Variants in PDXDC1 observed in about 807,000 individuals in gnomAD.
PDXDC1 encodes the protein pyridoxal-dependent decarboxylase domain-containing protein 1.
PDXDC1 carries 42 observed loss-of-function variants against 100.1 expected under a neutral mutation model. That is an observed-to-expected ratio of 0.42 (90% confidence interval 0.33 to 0.54). The LOEUF (loss-of-function observed/expected upper bound fraction) is 0.54. PDXDC1 is among the 20% of genes least tolerant of loss of function. The pLI, the probability that PDXDC1 is intolerant of heterozygous loss-of-function variation, is 0.10. For synonymous variants in PDXDC1, 260 were observed against 371.7 expected (o/e 0.70, Z 3.46); for missense variants, 636 against 979.2 (o/e 0.65, Z 4.68).
intron 21 of PDXDC1, 59 bp from the exon 22 acceptor site, chr16:15,035,390 G>A (rs112912842): frequency 2.3e-6 from 2 of 872,400 alleles, no homozygotes; most frequent in African/African-American, 3.5e-5. Context: ...GAGGGCAGGT[G>A]GTGTCTTCAA....
intron 16 of PDXDC1, among the ~76,000 whole-genome samples, chr16:15,089,617 G>A (rs1227568610): frequency 6.6e-6 from 1 of 151,312 alleles, no homozygotes; most frequent in Non-Finnish European, 1.5e-5. Context: ...TGGCTAACAT[G>A]GTGAAACCCC....
At chr16:15,030,959 AT>A (rs968932105) in intron 16 of PDXDC1, among the ~76,000 whole-genome samples, 11 of 141,318 alleles carry the variant, frequency 7.8e-5, no homozygotes, top group South Asian at 2.3e-4. Context: ...TTTGGTTTTT[AT>A]TTTTTTTTTA....
In PDXDC1 at chr16:15,130,327, G is replaced by A. The variant is rs560427840; in HGVS notation, c.1400-8552G>A. ...TCCAGGGGCAGCAGCCCCTCTGTCC[G>A]CCACACCACGTCCTCCTCGCTGAAG... is the stretch of plus-strand genomic sequence containing the variant. On this transcript the variant is annotated intron_variant, in intron 16 of 16. Coordinates refer to the PDXDC1 transcript ENST00000535621. 938 of 1,547,506 alleles carry A rather than the reference G, an allele frequency of 6.1e-4. 3 individuals carry two copies. In the African/African-American group the frequency reaches 9.5e-3, roughly 16 times the overall value.
At chr16:14,996,321 A>G (rs1439423935) in intron 1 of PDXDC1, 2 of 438,274 alleles carry the variant, frequency 4.6e-6, no homozygotes, top group Non-Finnish European at 9.0e-6. Context: ...ATATTGCTAG[A>G]TACAGTGAGC....
downstream of PDXDC1, among the ~76,000 whole-genome samples, chr16:15,140,941 A>T (rs1053982294): frequency 6.6e-6 from 1 of 151,750 alleles, no homozygotes; most frequent in Non-Finnish European, 1.5e-5. Context: ...CCCACGAGTG[A>T]CCCAGCAGGT....
chr16:14,993,637 T>C (rs1438805655), intron 1 of PDXDC1, among the ~76,000 whole-genome samples: 3 of 152,296 alleles, frequency 2.0e-5, no homozygotes, highest in Non-Finnish European at 2.9e-5. Context: ...GCATGATTTA[T>C]AATCCTTTGG....
chr16:15,086,578 G>A, intron 16 of PDXDC1: 9 of 1,437,988 alleles, frequency 6.3e-6, no homozygotes, highest in South Asian at 5.5e-5. Flanking sequence ...AACTTGGAAG[G>A]AACTCAAAAC....
At chr16:15,095,861 GGTGTGTGTGTGT>G (rs113527217) in intron 16 of PDXDC1, among the ~76,000 whole-genome samples, 7 of 134,358 alleles carry the variant, frequency 5.2e-5, no homozygotes, top group Non-Finnish European at 7.9e-5. Context: ...AAAAAAAAAA[GGTGTGTGTGTGT>G]GTGTGTGTGT....
rs1156313989 is a variant in PDXDC1, at chr16:15,091,385, G to C, written c.1400-47494G>C. On this transcript the variant is annotated intron_variant, in intron 16 of 16. Transcript: ENST00000535621. ...ATTTGTTTCACCCTTAACAAGAAGG[G>C]GAAAGAATTAAGTTATGCTTTTGTT... 3 of 1,566,390 alleles carry C rather than the reference G, an allele frequency of 1.9e-6. No individual in the cohort carries two copies. In the African/African-American group the frequency reaches 4.1e-5, roughly 21 times the overall value.
intron 16 of PDXDC1, chr16:15,133,212 G>A: frequency 1.6e-6 from 2 of 1,219,956 alleles, no homozygotes; most frequent in Non-Finnish European, 2.4e-6. Flanking sequence ...ACAGGTCTTG[G>A]TCCCCAGCAC....
At chr16:15,011,065 G>A (rs1265486165) in intron 8 of PDXDC1, among the ~76,000 whole-genome samples, 1 of 152,282 alleles carries the variant, frequency 6.6e-6, no homozygotes, top group Admixed American at 6.5e-5. Context: ...TTTCTTAATA[G>A]AACTTGATGA....
chr16:15,048,145 G>A (rs1597799472), intron 16 of PDXDC1: 1 of 1,381,304 alleles, frequency 7.2e-7, no homozygotes, highest in Non-Finnish European at 1.0e-6. Flanking sequence ...AATTAGTGAG[G>A]ATGGAAAAAC....
At chr16:15,083,739 G>A (rs184110233) in intron 16 of PDXDC1, 11 of 989,648 alleles carry the variant, frequency 1.1e-5, no homozygotes, top group South Asian at 3.2e-5. Flanking sequence ...TTTTTGAGAC[G>A]GAGTTTCGCT....
downstream of PDXDC1, chr16:15,041,605 G>A (rs1187176377): frequency 6.3e-7 from 1 of 1,593,498 alleles, no homozygotes; most frequent in Non-Finnish European, 8.6e-7. Context: ...TTGCTTTGGG[G>A]CAAATGGCAG....
intron 1 of PDXDC1, 50 bp downstream of exon 1, chr16:14,975,270 C>A: frequency 7.3e-7 from 1 of 1,379,282 alleles, no homozygotes; most frequent in Non-Finnish European, 9.3e-7. Context: ...CCGGGGCTCC[C>A]GCTTCCGAGG....
intron 16 of PDXDC1, among the ~76,000 whole-genome samples, chr16:15,122,437 A>T (rs1211910824): frequency 7.0e-6 from 1 of 142,516 alleles, no homozygotes; most frequent in Non-Finnish European, 1.5e-5. Context: ...CTAGTCTTCA[A>T]CTCCTGGACT....
chr16:15,029,021 A>C, intron 15 of PDXDC1, 55 bp downstream of exon 15: 1 of 1,561,064 alleles, frequency 6.4e-7, no homozygotes, highest in Non-Finnish European at 8.7e-7. Context: ...TCACCATCCG[A>C]CCTGCTGGTG....
At chr16:15,050,012 A>T (rs189984782) in intron 16 of PDXDC1, among the ~76,000 whole-genome samples, 2 of 152,292 alleles carry the variant, frequency 1.3e-5, no homozygotes, top group Admixed American at 6.5e-5. Flanking sequence ...AAAAAAGCAA[A>T]CATGAGTGAT....
At chr16:14,993,775 C>T (rs1379781477) in intron 1 of PDXDC1, among the ~76,000 whole-genome samples, 1 of 152,304 alleles carries the variant, frequency 6.6e-6, no homozygotes, top group African/African-American at 2.4e-5. Context: ...TAAAAGTGTT[C>T]CTATTTCTCC....
Sources: allele counts gnomAD v4.1 joint callset (sites outside exome capture counted in the v4.1 genomes callset), GRCh38; gene constraint gnomAD v4.1.1; transcripts MANE v1.5; gene names NCBI Gene and HGNC (gene_info 2026-07-23, HGNC 2026-07-21).